The following NPAS3 variants were observed in gnomAD, a reference collection of about 807,000 sequenced individuals.
The protein encoded by NPAS3 is neuronal PAS domain protein 3, also known as neuronal PAS domain-containing protein 3.
NPAS3 carries 14 observed loss-of-function variants against 73.1 expected under a neutral mutation model. That is an observed-to-expected ratio of 0.19 (90% CI 0.13 to 0.30). The LOEUF (loss-of-function observed/expected upper bound fraction) is 0.30. Among genes scored for constraint, NPAS3 ranks in the 10% least tolerant of loss-of-function variants. The pLI, the probability that NPAS3 is intolerant of heterozygous loss-of-function variation, is 1.00. For synonymous variants in NPAS3, 620 were observed against 541.5 expected (o/e 1.14, Z -2.01); for missense variants, 1,096 against 1,250.0 (o/e 0.88, Z 1.86).
In NPAS3 at chr14:33,800,023, C is replaced by G. The variant is rs1298797496; in HGVS notation, c.1716C>G (p.Cys572Trp). Reference sequence around the variant, plus strand: ...AGTCGGACCTGCGGCTGCAGAACTGCGAGTCACTCACGTCCGACAGCGCCA... The same window carrying G: ...AGTCGGACCTGCGGCTGCAGAACTGGGAGTCACTCACGTCCGACAGCGCCA... The change falls in exon 12 of 12, where the codon TGC becomes TGG. Residue 572 changes from cysteine to tryptophan, a missense_variant. Coordinates refer to ENST00000356141, the Ensembl canonical transcript of NPAS3. This position sits in a 1 kb window ranked among gnomAD's most constrained non-coding sequence, Gnocchi z 6.5. 3 of 1,611,114 alleles carry G rather than the reference C, an allele frequency of 1.9e-6. No homozygotes were observed. Among genetic ancestry groups the G allele is most frequent in the Non-Finnish European group, 2.5e-6 (3 of 1,179,816 alleles).
At chr14:33,579,293 G>T (rs1324074058) in intron 5 of NPAS3, among the ~76,000 whole-genome samples, 2 of 152,142 alleles carry the variant, frequency 1.3e-5, no homozygotes, top group Non-Finnish European at 2.9e-5. Flanking sequence ...AATAAATAAA[G>T]AAATGCAGAA....
Position 33,016,615 on chromosome 14 carries a change from G to GA in NPAS3, c.51-39273dup, listed in dbSNP as rs10597224. On this transcript the variant is annotated intron_variant, in intron 1 of 11. Transcript: ENST00000356141. ...GTTGTGTATGGAAACAGAAAAAAAGGAAAAAAAAAAAAAAAAACGACCTAA... is the reference window on the plus strand; with the variant it reads ...GTTGTGTATGGAAACAGAAAAAAAGGAAAAAAAAAAAAAAAAAACGACCTAA... Among the ~76,000 whole-genome samples the GA allele has an allele frequency of 9.3e-3, 1,179 of 126,176 alleles. 11 individuals carry two copies. Among genetic ancestry groups the GA allele is most frequent in the African/African-American group, 0.033 (1,035 of 31,798 alleles). 82.8% of individuals were successfully genotyped at this position (126,176 alleles called of 152,430 possible). A position where few individuals can be genotyped will look rare whatever the true frequency, so the allele number is the denominator to read the frequency against.
At chr14:33,781,566 A>G (rs1435140735) in intron 9 of NPAS3, among the ~76,000 whole-genome samples, 4 of 152,264 alleles carry the variant, frequency 2.6e-5, no homozygotes, top group African/African-American at 9.6e-5. Context: ...TCATGGCGAC[A>G]TAGAATCAGG....
At chr14:33,049,688 C>T (rs570471108) in intron 1 of NPAS3, among the ~76,000 whole-genome samples, 22 of 152,266 alleles carry the variant, frequency 1.4e-4, no homozygotes, top group Admixed American at 1.4e-3. Flanking sequence ...GACACAGAGC[C>T]AAACAATATC....
chr14:32,979,580 A>C (rs915249093), intron 1 of NPAS3, among the ~76,000 whole-genome samples: 1 of 152,190 alleles, frequency 6.6e-6, no homozygotes, highest in African/African-American at 2.4e-5. Flanking sequence ...TCCATTTAAA[A>C]GGGCCATACA....
intron 4 of NPAS3, among the ~76,000 whole-genome samples, chr14:33,549,774 C>CT (rs1249733993): frequency 6.6e-6 from 1 of 151,988 alleles, no homozygotes; most frequent in African/African-American, 2.4e-5. Context: ...TTATACTTAC[C>CT]TTCTTCATAG....
intron 4 of NPAS3, among the ~76,000 whole-genome samples, chr14:33,522,722 AC>A (rs1434535413): frequency 6.6e-6 from 1 of 152,032 alleles, no homozygotes; most frequent in Admixed American, 6.6e-5. Flanking sequence ...TATATATCCC[AC>A]CCTACTCCTT....
chr14:32,936,771 C>T (rs976871957), upstream of NPAS3, among the ~76,000 whole-genome samples: 1 of 152,132 alleles, frequency 6.6e-6, no homozygotes, highest in Non-Finnish European at 1.5e-5. Flanking sequence ...ATAAAGATCA[C>T]CTCAGAGAGA....
intron 5 of NPAS3, among the ~76,000 whole-genome samples, chr14:33,629,150 G>A (rs1438549027): frequency 1.3e-5 from 2 of 151,906 alleles, no homozygotes; most frequent in African/African-American, 4.8e-5. Context: ...CAGGAGAATG[G>A]CGTGAGCCCC....
chr14:33,167,384 T>C (rs572268970), intron 2 of NPAS3, among the ~76,000 whole-genome samples: 1 of 151,816 alleles, frequency 6.6e-6, no homozygotes, highest in African/African-American at 2.4e-5. Flanking sequence ...CTAGCAAAAA[T>C]GGAAAATGGA....
At chr14:33,577,730 C>T (rs892947630) in intron 5 of NPAS3, among the ~76,000 whole-genome samples, 2 of 152,200 alleles carry the variant, frequency 1.3e-5, no homozygotes, top group Non-Finnish European at 2.9e-5. Flanking sequence ...TAAAATATCC[C>T]AGTAAATAGT....
At chr14:33,742,964 C>T (rs2061691097) in intron 7 of NPAS3, among the ~76,000 whole-genome samples, 1 of 152,178 alleles carries the variant, frequency 6.6e-6, no homozygotes, top group Non-Finnish European at 1.5e-5. Flanking sequence ...GTCACATCCT[C>T]AAGCTCTACT....
At chr14:33,544,889 A>G (rs149418025) in intron 4 of NPAS3, among the ~76,000 whole-genome samples, 1,664 of 139,612 alleles carry the variant, frequency 0.012, 49 homozygotes, top group African/African-American at 0.043. Flanking sequence ...ATGTATGTAT[A>G]TATTGTGGTA....
intron 4 of NPAS3, among the ~76,000 whole-genome samples, chr14:33,476,971 TC>T (rs1192372496): frequency 6.6e-6 from 1 of 152,184 alleles, no homozygotes. Context: ...GGCAGGGACT[TC>T]TTTCTCTTTT....
rs774941154 is a variant in NPAS3 at position 33,799,722 on chromosome 14, C to T, written c.1427-12C>T. On this transcript the variant is annotated splice_polypyrimidine_tract_variant and intron_variant, in intron 11 of 11. Coordinates refer to ENST00000356141, the Ensembl canonical transcript of NPAS3. ...TCCGCCCCCGCCACCGCCGGCCCCC[C>T]GCCCCACACAGAGGACAACGAGAAC... 8 of 1,554,030 alleles carry T rather than the reference C, an allele frequency of 5.1e-6. No homozygotes were observed. The East Asian group carries it at 1.2e-4, about 24-fold the overall frequency.
chr14:33,583,570 T>G (rs2056758899), intron 5 of NPAS3, among the ~76,000 whole-genome samples: 2 of 152,208 alleles, frequency 1.3e-5, no homozygotes, highest in Non-Finnish European at 2.9e-5. Context: ...CTTGATCTAG[T>G]AGATGTTTAG....
At chr14:33,680,178 G>A (rs1036343988) in intron 6 of NPAS3, among the ~76,000 whole-genome samples, 5 of 152,122 alleles carry the variant, frequency 3.3e-5, no homozygotes, top group Non-Finnish European at 7.3e-5. Context: ...GGGATTATGA[G>A]TACTATCCTC....
chr14:33,544,210 A>G (rs1208498905), intron 4 of NPAS3, among the ~76,000 whole-genome samples: 2 of 151,946 alleles, frequency 1.3e-5, no homozygotes, highest in Non-Finnish European at 2.9e-5. Flanking sequence ...TGGCACCATC[A>G]TAGCTTGCTG....
intron 3 of NPAS3, among the ~76,000 whole-genome samples, chr14:33,297,656 G>T (rs2042356275): frequency 6.6e-6 from 1 of 152,066 alleles, no homozygotes; most frequent in Non-Finnish European, 1.5e-5. Context: ...AAATATTTTG[G>T]GTTCTCCTTG....
Sources: gnomAD v4.1 joint callset for allele counts (sites outside exome capture counted in the v4.1 genomes callset) on GRCh38, gnomAD v4.1.1 for gene constraint, Gnocchi (gnomAD v3.1) non-coding constraint, MANE v1.5 for transcripts, NCBI Gene and HGNC (gene_info 2026-07-23, HGNC 2026-07-21) for gene names.